Variants in LRRC7 observed in about 807,000 individuals in gnomAD.
LRRC7 encodes the protein leucine rich repeat containing 7, also known as leucine-rich repeat-containing protein 7.
A neutral mutation model predicts 175.7 loss-of-function variants in LRRC7; 23 were observed. The observed-to-expected ratio is 0.13, with a 90% CI of 0.09 to 0.19. The LOEUF (loss-of-function observed/expected upper bound fraction) is 0.19, where lower values mean the gene tolerates loss of function less well. Among genes scored for constraint, LRRC7 ranks in the 10% least tolerant of loss-of-function variants. The pLI is 1.00. For synonymous variants in LRRC7, 685 were observed against 680.9 expected, an observed-to-expected ratio of 1.01 and a Z score of -0.09; for missense variants, 1,354 against 1,904.7, an observed-to-expected ratio of 0.71 and a Z score of 5.38.
chr1:69,710,255 G>A (rs1193676623), intron 2 of LRRC7, among the ~76,000 whole-genome samples: 1 of 140,628 alleles, frequency 7.1e-6, no homozygotes, highest in African/African-American at 2.7e-5. Flanking sequence ...CCCCAGCCTG[G>A]GCGACATAGC....
intron 7 of LRRC7, among the ~76,000 whole-genome samples, chr1:69,865,701 T>C (rs1684872132): frequency 6.6e-6 from 1 of 151,804 alleles, no homozygotes; most frequent in Admixed American, 6.6e-5. Flanking sequence ...AGGATAGTCT[T>C]GATCTCCTGA....
intron 2 of LRRC7, among the ~76,000 whole-genome samples, chr1:69,713,214 G>A (rs541269145): frequency 2.0e-5 from 3 of 152,138 alleles, no homozygotes; most frequent in East Asian, 1.9e-4. Context: ...GGCCAGGCAC[G>A]GTGGTTCATA....
intron 23 of LRRC7, among the ~76,000 whole-genome samples, chr1:70,070,456 T>C (rs1266192535): frequency 6.6e-6 from 1 of 152,166 alleles, no homozygotes; most frequent in Non-Finnish European, 1.5e-5. Context: ...ATTGATTGTC[T>C]TTTTTTATTT....
chr1:69,684,615 C>T (rs1420126711), intron 2 of LRRC7, among the ~76,000 whole-genome samples: 1 of 152,128 alleles, frequency 6.6e-6, no homozygotes, highest in African/African-American at 2.4e-5. Flanking sequence ...GGCAAACTGA[C>T]TAGGACAACA....
chr1:69,740,875 G>A (rs1668635661), intron 2 of LRRC7, among the ~76,000 whole-genome samples: 1 of 151,762 alleles, frequency 6.6e-6, no homozygotes, highest in South Asian at 2.1e-4. Context: ...ATGAATTTGA[G>A]GAAAACATAA....
chr1:69,608,883 TATATATATATATATATAC>T (rs1307693910), intron 1 of LRRC7, among the ~76,000 whole-genome samples: 15 of 137,816 alleles, frequency 1.1e-4, no homozygotes, highest in African/African-American at 4.1e-4. Context: ...TATATATATA[TATATATATATATATATAC>T]ACACACACAC....
chr1:69,795,158 G>A (rs1049911215), intron 4 of LRRC7, among the ~76,000 whole-genome samples: 5 of 152,130 alleles, frequency 3.3e-5, no homozygotes, highest in East Asian at 1.9e-4. Flanking sequence ...CGGGCCAGGG[G>A]ATCGTGAGGT....
chr1:69,745,937 C>T (rs949283912), intron 2 of LRRC7, among the ~76,000 whole-genome samples: 1 of 151,658 alleles, frequency 6.6e-6, no homozygotes, highest in Non-Finnish European at 1.5e-5. Context: ...ATTTAAATAA[C>T]AAAATTCTGA....
intron 1 of LRRC7, among the ~76,000 whole-genome samples, chr1:69,609,903 A>G (rs1404781210): frequency 6.6e-6 from 1 of 152,010 alleles, no homozygotes; most frequent in Non-Finnish European, 1.5e-5. Context: ...ATTTTTCACA[A>G]TTTTTATATT....
chr1:69,877,472 C>CT (rs1265127972), intron 7 of LRRC7, among the ~76,000 whole-genome samples: 2 of 151,958 alleles, frequency 1.3e-5, no homozygotes, highest in African/African-American at 4.8e-5. Context: ...TTAGACAATT[C>CT]TTTTTTTAAA....
chr1:70,023,504 T>G, intron 17 of LRRC7, 130 bp downstream of exon 17: 1 of 988,254 alleles, frequency 1.0e-6, no homozygotes, highest in Non-Finnish European at 1.4e-6. Context: ...AAATTGCCAG[T>G]GTTTTATCTC....
intron 7 of LRRC7, among the ~76,000 whole-genome samples, chr1:69,896,887 G>A (rs1645995471): frequency 6.6e-6 from 1 of 152,086 alleles, no homozygotes; most frequent in African/African-American, 2.4e-5. Context: ...TTATGCTTCT[G>A]CTCAAAGGTT....
chr1:69,720,090 G>T (rs1666185544), intron 2 of LRRC7, among the ~76,000 whole-genome samples: 1 of 151,422 alleles, frequency 6.6e-6, no homozygotes, highest in African/African-American at 2.4e-5. Flanking sequence ...GGGTTACGTA[G>T]TCCATTTACA....
intron 2 of LRRC7, among the ~76,000 whole-genome samples, chr1:69,736,902 C>A (rs1464543852): frequency 6.6e-6 from 1 of 152,012 alleles, no homozygotes; most frequent in Non-Finnish European, 1.5e-5. Context: ...AAGTTGTAAA[C>A]CAAGGTTCTG....
chr1:69,875,757 T>C (rs146579712), intron 7 of LRRC7, among the ~76,000 whole-genome samples: 124 of 152,248 alleles, frequency 8.1e-4, no homozygotes, highest in African/African-American at 2.8e-3. Flanking sequence ...AATATTTTTA[T>C]ATGCATCTAT....
At chr1:69,688,273 T>C (rs1016960907) in intron 2 of LRRC7, among the ~76,000 whole-genome samples, 2 of 152,182 alleles carry the variant, frequency 1.3e-5, no homozygotes, top group African/African-American at 4.8e-5. Context: ...GAGCCACCCC[T>C]TTTCCAATTG....
intron 10 of LRRC7, 31 bp from the exon 11 acceptor site, chr1:69,994,530 A>G (rs2101912150): frequency 1.4e-6 from 2 of 1,381,990 alleles, no homozygotes; most frequent in East Asian, 2.3e-5. Flanking sequence ...ATCTGCTCTT[A>G]TGTATTAATC....
intron 2 of LRRC7, among the ~76,000 whole-genome samples, chr1:69,740,833 A>T (rs565290640): frequency 6.6e-6 from 1 of 152,166 alleles, no homozygotes; most frequent in African/African-American, 2.4e-5. Flanking sequence ...CTGTCTCCAA[A>T]TACAGTCACA....
intron 7 of LRRC7, among the ~76,000 whole-genome samples, chr1:69,909,880 C>T (rs528492815): frequency 7.5e-4 from 114 of 152,218 alleles, no homozygotes; most frequent in Non-Finnish European, 1.4e-3. Context: ...CAGCTTGGTT[C>T]CATTCTCCCC....
Sources: allele counts gnomAD v4.1 joint callset (sites outside exome capture counted in the v4.1 genomes callset), GRCh38; gene constraint gnomAD v4.1.1; transcripts MANE v1.5; gene names NCBI Gene and HGNC (gene_info 2026-07-23, HGNC 2026-07-21).